Variants in TMTC2 observed in about 807,000 individuals in gnomAD.
TMTC2 encodes protein O-mannosyl-transferase TMTC2.
Under a neutral mutation model 82.4 loss-of-function variants are expected in TMTC2, and 43 were observed. The observed-to-expected ratio is 0.52, with a 90% confidence interval of 0.41 to 0.67. TMTC2 has a LOEUF of 0.67. Among genes scored for constraint, TMTC2 ranks in the 30% least tolerant of loss-of-function variants. The probability of loss-of-function intolerance (pLI) is 0.00; values close to 1 mark genes in which losing one functional copy is unlikely to be tolerated. For synonymous variants in TMTC2, 408 were observed against 381.9 expected (o/e 1.07, Z -0.80); for missense variants, 919 against 1,012.4 (o/e 0.91, Z 1.25).
chr12:82,916,413 T>C (rs1263555772), intron 3 of TMTC2, among the ~76,000 whole-genome samples: 2 of 152,128 alleles, frequency 1.3e-5, no homozygotes, highest in African/African-American at 4.8e-5. Context: ...ATTAGGGACA[T>C]AGGGCAAAAT....
chr12:82,970,793 T>A (rs1433148930), intron 7 of TMTC2, among the ~76,000 whole-genome samples: 1 of 152,218 alleles, frequency 6.6e-6, no homozygotes, highest in Middle Eastern at 3.2e-3. Context: ...CTATCCTATT[T>A]GGAATTACTG....
At chr12:82,850,483 G>T (rs1175187367) in intron 1 of TMTC2, among the ~76,000 whole-genome samples, 1 of 152,046 alleles carries the variant, frequency 6.6e-6, no homozygotes, top group African/African-American at 2.4e-5. Flanking sequence ...CCCTTGAGTT[G>T]CAGTTGTTGG....
chr12:82,902,105 GT>G (rs1417327234), intron 3 of TMTC2, among the ~76,000 whole-genome samples: 2 of 152,160 alleles, frequency 1.3e-5, no homozygotes, highest in African/African-American at 4.8e-5. Context: ...CCCTTACGGA[GT>G]TAGTGGTCTT....
intron 4 of TMTC2, among the ~76,000 whole-genome samples, chr12:82,950,365 T>C (rs1877281962): frequency 6.6e-6 from 1 of 152,200 alleles, no homozygotes; most frequent in Non-Finnish European, 1.5e-5. Flanking sequence ...ACCTATTATT[T>C]TGACATGTGG....
chr12:82,957,871 G>C (rs982961198), intron 4 of TMTC2, among the ~76,000 whole-genome samples: 1 of 151,836 alleles, frequency 6.6e-6, no homozygotes, highest in Non-Finnish European at 1.5e-5. Context: ...TTAAAAAAAA[G>C]AAAAACACAA....
intron 1 of TMTC2, among the ~76,000 whole-genome samples, chr12:82,712,025 GTCTTT>G (rs982230584): frequency 5.9e-5 from 9 of 151,948 alleles, no homozygotes; most frequent in African/African-American, 1.9e-4. Flanking sequence ...CTCCTTTCCT[GTCTTT>G]TCTTATCTTC....
chr12:82,861,280 G>A (rs1035538860), intron 2 of TMTC2, among the ~76,000 whole-genome samples: 4 of 152,174 alleles, frequency 2.6e-5, no homozygotes, highest in African/African-American at 9.7e-5. Context: ...AGTTTTGATT[G>A]CAGTTTACCT....
At chr12:83,013,167 A>C (rs1865357) in intron 8 of TMTC2, among the ~76,000 whole-genome samples, 119,043 of 151,984 alleles carry the variant, frequency 0.78, 47,663 homozygotes, top group South Asian at 0.93. Context: ...CTACTGTAGT[A>C]AAAGACATTT....
intron 8 of TMTC2, among the ~76,000 whole-genome samples, chr12:83,024,431 G>T (rs770865481): frequency 3.3e-5 from 5 of 152,060 alleles, no homozygotes; most frequent in Non-Finnish European, 7.4e-5. Flanking sequence ...ATTTGTTATT[G>T]GTATAGAGAT....
chr12:82,856,788 T>A (rs1192963397), intron 1 of TMTC2, among the ~76,000 whole-genome samples: 1 of 152,088 alleles, frequency 6.6e-6, no homozygotes, highest in Non-Finnish European at 1.5e-5. Flanking sequence ...ATACTTGCAT[T>A]TCAACAAGGA....
intron 1 of TMTC2, among the ~76,000 whole-genome samples, chr12:82,786,991 A>G (rs1277836238): frequency 6.6e-6 from 1 of 152,166 alleles, no homozygotes; most frequent in Non-Finnish European, 1.5e-5. Flanking sequence ...ATATAACCAT[A>G]CAGTTTGTAT....
At chr12:82,723,870 A>G (rs750821317) in intron 1 of TMTC2, among the ~76,000 whole-genome samples, 7 of 152,180 alleles carry the variant, frequency 4.6e-5, no homozygotes, top group African/African-American at 7.2e-5. Flanking sequence ...TGAGCAGAGT[A>G]TTGGCTTTCT....
At chr12:83,007,216 C>T (rs776110798) in intron 8 of TMTC2, among the ~76,000 whole-genome samples, 2 of 150,546 alleles carry the variant, frequency 1.3e-5, no homozygotes, top group Non-Finnish European at 3.0e-5. Flanking sequence ...TTTATTGTTT[C>T]CTTCCTTCTG....
intron 1 of TMTC2, among the ~76,000 whole-genome samples, chr12:82,736,362 A>G (rs1281113608): frequency 1.3e-5 from 2 of 152,078 alleles, no homozygotes; most frequent in African/African-American, 4.8e-5. Context: ...ATTTCTTTTT[A>G]TTTTGGAGTT....
chr12:82,695,407 A>G (rs1487997372), intron 1 of TMTC2, among the ~76,000 whole-genome samples: 4 of 152,184 alleles, frequency 2.6e-5, no homozygotes, highest in African/African-American at 9.7e-5. Context: ...TTAATCTGTT[A>G]GGTCATAGAT....
intron 3 of TMTC2, among the ~76,000 whole-genome samples, chr12:82,926,739 C>T (rs1011516448): frequency 6.6e-6 from 1 of 152,106 alleles, no homozygotes; most frequent in African/African-American, 2.4e-5. Context: ...CAGTAGAAGC[C>T]ATTGGTCAAT....
intron 8 of TMTC2, among the ~76,000 whole-genome samples, chr12:83,010,137 C>G (rs1487331257): frequency 6.6e-6 from 1 of 152,202 alleles, no homozygotes; most frequent in Non-Finnish European, 1.5e-5. Context: ...CCTTGTAATA[C>G]AACATTGGAG....
intron 11 of TMTC2, among the ~76,000 whole-genome samples, chr12:83,113,760 T>C (rs74523496): frequency 0.036 from 5,524 of 152,318 alleles, 165 homozygotes; most frequent in Non-Finnish European, 0.054. Context: ...AAAGTGCAAA[T>C]AGAATGCGAT....
chr12:82,960,058 CAT>C (rs968048891), intron 4 of TMTC2, among the ~76,000 whole-genome samples: 1 of 151,900 alleles, frequency 6.6e-6, no homozygotes, highest in Non-Finnish European at 1.5e-5. Context: ...TGCCAACAAA[CAT>C]AAAAAATGCT....
Sources: allele counts gnomAD v4.1 joint callset (sites outside exome capture counted in the v4.1 genomes callset), GRCh38; gene constraint gnomAD v4.1.1; transcripts MANE v1.5; gene names NCBI Gene and HGNC (gene_info 2026-07-23, HGNC 2026-07-21).